Variants in ROBO1 observed in about 807,000 individuals in gnomAD.
The protein encoded by ROBO1 is roundabout homolog 1.
ROBO1 carries 149 observed loss-of-function variants against 195.9 expected under a neutral mutation model. That is an observed-to-expected ratio of 0.76 (90% CI 0.67 to 0.87). The LOEUF (loss-of-function observed/expected upper bound fraction) is 0.87. Among genes scored for constraint, ROBO1 ranks in the 40% least tolerant of loss-of-function variants. ROBO1 has a pLI of 0.00. For synonymous variants in ROBO1, 816 were observed against 733.2 expected (o/e 1.11, Z -1.82); for missense variants, 1,933 against 2,068.3 (o/e 0.93, Z 1.27).
intron 2 of ROBO1, among the ~76,000 whole-genome samples, chr3:79,146,409 GAACAT>G (rs2080651845): frequency 6.6e-6 from 1 of 151,896 alleles, no homozygotes; most frequent in Admixed American, 6.6e-5. Flanking sequence ...TCATTTTTGT[GAACAT>G]AACTGCAGAA....
At chr3:79,296,763 C>A (rs2032617081) in intron 2 of ROBO1, among the ~76,000 whole-genome samples, 1 of 152,146 alleles carries the variant, frequency 6.6e-6, no homozygotes, top group Non-Finnish European at 1.5e-5. Flanking sequence ...TAAAAGAACT[C>A]AGAAACCCGT....
At chr3:79,430,915 C>A (rs1450485338) in intron 2 of ROBO1, among the ~76,000 whole-genome samples, 1 of 151,926 alleles carries the variant, frequency 6.6e-6, no homozygotes, top group Non-Finnish European at 1.5e-5. Flanking sequence ...TTAGACTGGA[C>A]CAAATTTTTA....
chr3:79,521,481 A>G (rs1376235025), intron 2 of ROBO1, among the ~76,000 whole-genome samples: 1 of 152,144 alleles, frequency 6.6e-6, no homozygotes, highest in Non-Finnish European at 1.5e-5. Flanking sequence ...GTTACTTCCG[A>G]CATCGATCTA....
chr3:78,667,621 A>C (rs1281649942), intron 14 of ROBO1, among the ~76,000 whole-genome samples: 2 of 152,010 alleles, frequency 1.3e-5, no homozygotes, highest in Non-Finnish European at 1.5e-5. Context: ...TCCTCACGTA[A>C]TATTTTTGTC....
chr3:78,789,400 AC>A (rs1232857876), intron 4 of ROBO1, among the ~76,000 whole-genome samples: 3 of 152,184 alleles, frequency 2.0e-5, no homozygotes, highest in Non-Finnish European at 4.4e-5. Flanking sequence ...AAGAATGAGG[AC>A]TTTTCCATAA....
At chr3:78,780,864 G>T (rs1236881370) in intron 4 of ROBO1, among the ~76,000 whole-genome samples, 1 of 151,476 alleles carries the variant, frequency 6.6e-6, no homozygotes. Context: ...TGATTTTTTA[G>T]GTTCTCTAAC....
chr3:79,755,401 G>T (rs1483629813), intron 1 of ROBO1, among the ~76,000 whole-genome samples: 2 of 151,896 alleles, frequency 1.3e-5, no homozygotes, highest in Non-Finnish European at 2.9e-5. Context: ...AGCCCAATGG[G>T]TTACTCTTCT....
intron 4 of ROBO1, among the ~76,000 whole-genome samples, chr3:78,936,850 G>A (rs2039839561): frequency 6.6e-6 from 1 of 151,792 alleles, no homozygotes; most frequent in Non-Finnish European, 1.5e-5. Context: ...CATTCAAATT[G>A]GCCTTAAAAA....
At chr3:79,011,957 GAGCTTTGAGGACTCCACGC>G (rs1193008646) in intron 3 of ROBO1, among the ~76,000 whole-genome samples, 3 of 152,006 alleles carry the variant, frequency 2.0e-5, no homozygotes, top group Non-Finnish European at 2.9e-5. Flanking sequence ...TCTTAGAGGA[GAGCTTTGAGGACTCCACGC>G]TCCTTTCATG....
At chr3:78,705,245 C>T in intron 8 of ROBO1, among the ~76,000 whole-genome samples, 1 of 152,118 alleles carries the variant, frequency 6.6e-6, no homozygotes, top group East Asian at 1.9e-4. Flanking sequence ...TAACAATTAA[C>T]AGGGACCTGA....
At chr3:79,406,502 G>C (rs1575781977) in intron 2 of ROBO1, among the ~76,000 whole-genome samples, 2 of 151,978 alleles carry the variant, frequency 1.3e-5, no homozygotes, top group East Asian at 3.9e-4. Context: ...ATTTATGGAG[G>C]GATTTCTTTC....
At chr3:78,708,999 T>C (rs1469729586) in intron 8 of ROBO1, among the ~76,000 whole-genome samples, 2 of 152,170 alleles carry the variant, frequency 1.3e-5, no homozygotes, top group Non-Finnish European at 2.9e-5. Context: ...GTATTTTAGG[T>C]TCACAAAAAG....
At chr3:78,867,523 A>T (rs1383484890) in intron 4 of ROBO1, among the ~76,000 whole-genome samples, 1 of 152,198 alleles carries the variant, frequency 6.6e-6, no homozygotes, top group East Asian at 1.9e-4. Flanking sequence ...AGAATGACTA[A>T]GAAAGCTGAT....
intron 2 of ROBO1, among the ~76,000 whole-genome samples, chr3:79,244,519 C>T (rs938632204): frequency 5.3e-5 from 8 of 152,098 alleles, no homozygotes; most frequent in African/African-American, 1.9e-4. Flanking sequence ...CTCCAGTTGT[C>T]TCTAAAGTTA....
intron 4 of ROBO1, among the ~76,000 whole-genome samples, chr3:78,831,352 T>C (rs1387820161): frequency 2.0e-5 from 3 of 152,198 alleles, no homozygotes; most frequent in Non-Finnish European, 4.4e-5. Context: ...TACAAGTTCT[T>C]CCATAAATAC....
At chr3:79,152,348 A>G (rs2080787176) in intron 2 of ROBO1, among the ~76,000 whole-genome samples, 1 of 151,870 alleles carries the variant, frequency 6.6e-6, no homozygotes, top group African/African-American at 2.4e-5. Context: ...TGAATGAGAA[A>G]GAAAACAGAA....
At chr3:78,723,617 T>C (rs187889250) in intron 5 of ROBO1, among the ~76,000 whole-genome samples, 1 of 152,060 alleles carries the variant, frequency 6.6e-6, no homozygotes, top group African/African-American at 2.4e-5. Flanking sequence ...TATCTGGCAA[T>C]GTCTGCAGAC....
intron 3 of ROBO1, among the ~76,000 whole-genome samples, chr3:79,117,407 C>T (rs1576695032): frequency 6.6e-6 from 1 of 152,076 alleles, no homozygotes; most frequent in South Asian, 2.1e-4. Context: ...GGAGTTACTT[C>T]TCTGCTGAAG....
At chr3:79,273,698 C>A (rs547725322) in intron 2 of ROBO1, among the ~76,000 whole-genome samples, 2 of 151,572 alleles carry the variant, frequency 1.3e-5, no homozygotes, top group African/African-American at 4.8e-5. Context: ...GGGCTAAATT[C>A]TCCAATCAAA....
Sources: gnomAD v4.1 joint callset for allele counts (sites outside exome capture counted in the v4.1 genomes callset) on GRCh38, gnomAD v4.1.1 for gene constraint, MANE v1.5 for transcripts, NCBI Gene and HGNC (gene_info 2026-07-23, HGNC 2026-07-21) for gene names.